ZCWPW2: variants seen among roughly 807,000 people sequenced by gnomAD.
ZCWPW2 encodes the protein zinc finger CW-type and PWWP domain containing 2, also known as zinc finger CW-type PWWP domain protein 2.
In ZCWPW2, 45 loss-of-function variants were observed where a neutral mutation model predicts 46.6. The ratio of observed to expected loss-of-function variants is 0.96; its 90% CI spans 0.76 to 1.24. The LOEUF (loss-of-function observed/expected upper bound fraction) is 1.24, where lower values mean the gene tolerates loss of function less well. ZCWPW2 is among the 50% of genes most tolerant of loss of function. ZCWPW2 has a pLI of 0.00. For synonymous variants in ZCWPW2, 152 were observed against 137.1 expected (o/e 1.11, Z -0.76); for missense variants, 429 against 403.9 (o/e 1.06, Z -0.53).
intron 3 of ZCWPW2, among the ~76,000 whole-genome samples, chr3:28,420,358 C>G (rs924952550): frequency 6.6e-6 from 1 of 151,998 alleles, no homozygotes; most frequent in Non-Finnish European, 1.5e-5. Context: ...TCGTTGGTTT[C>G]AAAGAACATC....
intron 4 of ZCWPW2, among the ~76,000 whole-genome samples, chr3:28,435,542 A>G (rs1188970872): frequency 6.7e-6 from 1 of 148,222 alleles, no homozygotes; most frequent in Non-Finnish European, 1.5e-5. Context: ...CTGGAGTGCA[A>G]TGGCGCGATC....
intron 6 of ZCWPW2, among the ~76,000 whole-genome samples, chr3:28,506,375 G>A (rs190080416): frequency 6.6e-6 from 1 of 151,814 alleles, no homozygotes; most frequent in Admixed American, 6.6e-5. Context: ...GCCTAGGGTG[G>A]GCATAAAAAT....
chr3:28,468,053 C>T (rs1444267707), intron 4 of ZCWPW2, among the ~76,000 whole-genome samples: 1 of 151,828 alleles, frequency 6.6e-6, no homozygotes, highest in Non-Finnish European at 1.5e-5. Flanking sequence ...TTGAGGAACT[C>T]AAAGAAATTC....
At chr3:28,351,552 A>C (rs997673538) in intron 1 of ZCWPW2, 1 of 151,468 alleles carries the variant, frequency 6.6e-6, no homozygotes, top group African/African-American at 2.4e-5. Context: ...ATAATGAAAA[A>C]CCTTTTTTTT....
rs1299221999 is a variant in ZCWPW2 at position 28,515,559 on chromosome 3, C to A, written c.722C>A (p.Ala241Glu). 4 of 1,607,120 alleles carry A rather than the reference C, an allele frequency of 2.5e-6. No individual in the cohort carries two copies. Among genetic ancestry groups the A allele is most frequent in the Admixed American group, 3.4e-5 (2 of 59,530 alleles). ...CTGTCAAATTCTTTTTCTAGGAAAG[C>A]AATTTTAAAATGCTCTTTTGAAAAT... ...KPKFRKRKRK[A>E]ILKCSFENVY... is the part of the protein sequence containing the mutation. Residue 241 changes from alanine to glutamate, a missense_variant, in exon 8 of 10, where the codon GCA (alanine) becomes GAA (glutamate). Physicochemically the swap from Ala to Glu is moderately radical, Grantham distance 107. Transcript: ENST00000383768.
At chr3:28,502,485 T>C (rs1389332275) in intron 6 of ZCWPW2, among the ~76,000 whole-genome samples, 5 of 152,170 alleles carry the variant, frequency 3.3e-5, no homozygotes, top group Admixed American at 3.3e-4. Flanking sequence ...TGCCTACTTG[T>C]GGTTTTCACA....
chr3:28,367,226 A>T (rs1705153087), intron 1 of ZCWPW2, among the ~76,000 whole-genome samples: 1 of 151,866 alleles, frequency 6.6e-6, no homozygotes, highest in Non-Finnish European at 1.5e-5. Flanking sequence ...AGTTCTTTTA[A>T]TTGTGATGTT....
intron 6 of ZCWPW2, among the ~76,000 whole-genome samples, chr3:28,509,260 G>T (rs1424884674): frequency 1.3e-5 from 2 of 151,882 alleles, no homozygotes; most frequent in Non-Finnish European, 2.9e-5. Flanking sequence ...CTACTCTTTG[G>T]CTATTATAAA....
At chr3:28,433,377 C>A (rs145729680) in intron 3 of ZCWPW2, among the ~76,000 whole-genome samples, 1 of 152,124 alleles carries the variant, frequency 6.6e-6, no homozygotes, top group Non-Finnish European at 1.5e-5. Context: ...TGGGTTTTGG[C>A]ATTAGAAAGT....
At position 28,369,369 on chromosome 3, in the gene ZCWPW2, C is replaced by T. The variant is rs532859713; in HGVS notation, c.-134+20166C>T. 5.3e-5 allele frequency among the ~76,000 whole-genome samples: 8 copies of T among 152,304 alleles called. No homozygotes were observed. The South Asian group carries it at 1.0e-3, about 20-fold the overall frequency. ...TCCTTTCTGTTTGTTAGTTTTCCTT[C>T]TATCAGTCAGGACCCTCAGCTGCAG... On this transcript the variant is annotated intron_variant, in intron 1 of 9. Transcript: ENST00000383768.
chr3:28,377,698 T>G (rs1705547455), intron 1 of ZCWPW2, among the ~76,000 whole-genome samples: 3 of 152,102 alleles, frequency 2.0e-5, no homozygotes, highest in Admixed American at 2.0e-4. Flanking sequence ...ATATAATTTT[T>G]TATTTATAAT....
rs191864386 is a variant in ZCWPW2, at chr3:28,437,698, A to T, written c.492+2429A>T. Among the ~76,000 whole-genome samples the T allele has an allele frequency of 1.3e-4, 20 of 152,350 alleles. No homozygotes were observed. The East Asian group carries it at 3.3e-3, about 25-fold the overall frequency. On this transcript the variant is annotated intron_variant, in intron 4 of 9. Coordinates refer to ENST00000383768, the MANE Select transcript of ZCWPW2 (RefSeq NM_001040432.4). ...GAGATACACTCCAGAAAATAGTTGA[A>T]GGCAATATTTTTATTATAGATTTAT...
At chr3:28,413,530 AT>A (rs1696493413) in intron 3 of ZCWPW2, 130 bp downstream of exon 3, 1 of 799,390 alleles carries the variant, frequency 1.3e-6, no homozygotes, top group Non-Finnish European at 1.9e-6. Context: ...GCTCTTTTCC[AT>A]ACTTCTTTGG....
intron 1 of ZCWPW2, among the ~76,000 whole-genome samples, chr3:28,380,412 G>T (rs1436712981): frequency 6.6e-6 from 1 of 152,014 alleles, no homozygotes; most frequent in East Asian, 1.9e-4. Context: ...CCACAGAAAC[G>T]TGCAAACAAA....
At chr3:28,385,881 G>A (rs995455664) in intron 1 of ZCWPW2, among the ~76,000 whole-genome samples, 14 of 150,070 alleles carry the variant, frequency 9.3e-5, no homozygotes, top group African/African-American at 1.5e-4. Flanking sequence ...TGAGATTAAC[G>A]TAACCTTTTA....
chr3:28,504,649 T>C (rs1700231496), intron 6 of ZCWPW2, among the ~76,000 whole-genome samples: 1 of 152,210 alleles, frequency 6.6e-6, no homozygotes, highest in African/African-American at 2.4e-5. Flanking sequence ...CTAAAAACAG[T>C]ATGTTCTCCC....
intron 5 of ZCWPW2, among the ~76,000 whole-genome samples, chr3:28,490,237 A>G (rs934952210): frequency 6.6e-6 from 1 of 152,200 alleles, no homozygotes; most frequent in Non-Finnish European, 1.5e-5. Flanking sequence ...AATTTAGTTC[A>G]GTGACTGTGT....
chr3:28,504,213 T>C (rs1700220261), intron 6 of ZCWPW2, among the ~76,000 whole-genome samples: 5 of 152,040 alleles, frequency 3.3e-5, no homozygotes, highest in Admixed American at 3.3e-4. Flanking sequence ...ATGATAATAA[T>C]AACAATAATT....
At chr3:28,492,925 A>G (rs1459634655) in intron 6 of ZCWPW2, among the ~76,000 whole-genome samples, 1 of 152,012 alleles carries the variant, frequency 6.6e-6, no homozygotes, top group Admixed American at 6.6e-5. Context: ...AGGGAAGGTC[A>G]AGTGTAACCT....
Sources: allele counts gnomAD v4.1 joint callset (sites outside exome capture counted in the v4.1 genomes callset), GRCh38; gene constraint gnomAD v4.1.1; transcripts MANE v1.5; gene names NCBI Gene and HGNC (gene_info 2026-07-23, HGNC 2026-07-21).